Variants in KDM6A observed in about 807,000 individuals in gnomAD.
KDM6A encodes lysine-specific demethylase 6A.
Under a neutral mutation model 117.6 loss-of-function variants are expected in KDM6A, and 11 were observed. The ratio of observed to expected loss-of-function variants is 0.09; its 90% CI spans 0.06 to 0.15. The LOEUF (loss-of-function observed/expected upper bound fraction) is 0.15, where lower values mean the gene tolerates loss of function less well. Ranked by LOEUF, KDM6A falls within the 10% of genes least tolerant of loss-of-function variation. The pLI, the probability that KDM6A is intolerant of heterozygous loss-of-function variation, is 1.00. For missense variants in KDM6A, 799 were observed against 1,077.3 expected, an observed-to-expected ratio of 0.74 and a Z score of 3.62; for synonymous variants, 384 against 396.1, an observed-to-expected ratio of 0.97 and a Z score of 0.36.
chrX:44,984,234 C>T (rs1264564178), intron 4 of KDM6A, among the ~76,000 whole-genome samples: 2 of 110,972 alleles, frequency 1.8e-5, no homozygotes, highest in Admixed American at 1.9e-4. Flanking sequence ...TGTTCATATC[C>T]TTCACCCACT....
chrX:45,039,308 A>C (rs2042948013), intron 8 of KDM6A, among the ~76,000 whole-genome samples: 1 of 109,822 alleles, frequency 9.1e-6, no homozygotes, highest in East Asian at 2.8e-4. Context: ...AAGAAGCAGA[A>C]GTTTTTTTAA....
chrX:44,888,253 C>T (rs921198926), intron 2 of KDM6A, among the ~76,000 whole-genome samples: 18 of 110,403 alleles, frequency 1.6e-4, no homozygotes, highest in Non-Finnish European at 2.7e-4. Context: ...GGCGGTGAGC[C>T]GAGATCCTGC....
At chrX:44,880,923 TAC>T (rs2032226872) in intron 2 of KDM6A, among the ~76,000 whole-genome samples, 1 of 112,347 alleles carries the variant, frequency 8.9e-6, no homozygotes, top group Non-Finnish European at 1.9e-5. Flanking sequence ...GCATTTTAAT[TAC>T]AGTCTGAAGT....
At chrX:45,048,482 C>A (rs1360185508) in intron 8 of KDM6A, among the ~76,000 whole-genome samples, 3 of 111,129 alleles carry the variant, frequency 2.7e-5, no homozygotes, top group Non-Finnish European at 5.6e-5. Context: ...GCAGTCAGAG[C>A]TTTGGGCAGA....
intron 4 of KDM6A, among the ~76,000 whole-genome samples, chrX:44,979,406 C>A (rs766716957): frequency 1.8e-5 from 2 of 108,510 alleles, no homozygotes; most frequent in African/African-American, 6.7e-5. Context: ...TTCTCTTCTT[C>A]CTTTCCTTCC....
At chrX:45,090,045 T>C (rs1483050878) in intron 26 of KDM6A, 115 bp downstream of exon 26, 56 of 541,012 alleles carry the variant, frequency 1.0e-4, no homozygotes, top group Non-Finnish European at 1.3e-4. Context: ...AATGACTCCT[T>C]GCATAGAATT....
intron 2 of KDM6A, among the ~76,000 whole-genome samples, chrX:44,929,468 A>G (rs2036506732): frequency 9.0e-6 from 1 of 111,622 alleles, no homozygotes; most frequent in Non-Finnish European, 1.9e-5. Context: ...AGATTCAGGC[A>G]TGTTGTGTGC....
At chrX:45,109,504 T>C (rs1452615815) in intron 28 of KDM6A, among the ~76,000 whole-genome samples, 1 of 111,923 alleles carries the variant, frequency 8.9e-6, no homozygotes, top group Non-Finnish European at 1.9e-5. Context: ...ATGGTCCATT[T>C]CAAACCTTGA....
chrX:44,974,769 C>T, intron 4 of KDM6A, 54 bp downstream of exon 4: 1 of 859,799 alleles, frequency 1.2e-6, no homozygotes, highest in Non-Finnish European at 1.7e-6. Flanking sequence ...CAGATTATTG[C>T]CAATTATACT....
At chrX:44,898,836 G>A (rs1200024633) in intron 2 of KDM6A, among the ~76,000 whole-genome samples, 1 of 109,202 alleles carries the variant, frequency 9.2e-6, no homozygotes, top group African/African-American at 3.3e-5. Context: ...CAGTCCCACA[G>A]CCTGCTTTTG....
chrX:45,082,455 C>T (rs1398875651), intron 21 of KDM6A, 121 bp from the exon 22 acceptor site: 1 of 516,409 alleles, frequency 1.9e-6, no homozygotes, highest in Non-Finnish European at 3.3e-6. Context: ...AAACATGAAA[C>T]TTAGTTTCAA....
chrX:45,110,319 G>A (rs2148309920), intron 29 of KDM6A, 70 bp downstream of exon 29: 1 of 919,496 alleles, frequency 1.1e-6, no homozygotes, highest in Non-Finnish European at 1.6e-6. Flanking sequence ...TCTGCCACCT[G>A]ATAAGTAGGA....
chrX:45,106,393 T>C (rs762926347), intron 27 of KDM6A: 34 of 187,415 alleles, frequency 1.8e-4, no homozygotes, highest in Non-Finnish European at 3.0e-4. Context: ...TTAGTACTTA[T>C]TTGAATTTTA....
At chrX:45,072,027 T>G (rs2044872778) in intron 18 of KDM6A, among the ~76,000 whole-genome samples, 1 of 111,577 alleles carries the variant, frequency 9.0e-6, no homozygotes, top group South Asian at 3.7e-4. Context: ...CACCTGCCTC[T>G]GCCTCCCAAA....
At chrX:45,024,753 A>G (rs2042301696) in intron 6 of KDM6A, among the ~76,000 whole-genome samples, 1 of 112,127 alleles carries the variant, frequency 8.9e-6, no homozygotes, top group Admixed American at 9.5e-5. Context: ...TATCTTCTAG[A>G]ATTTATATCT....
intron 4 of KDM6A, among the ~76,000 whole-genome samples, chrX:44,997,858 A>G (rs894954772): frequency 2.7e-5 from 3 of 112,090 alleles, no homozygotes; most frequent in Admixed American, 9.5e-5. Flanking sequence ...AAAGATGGCA[A>G]TGGCTTTTTT....
At chrX:44,968,507 AG>A (rs1297831749) in intron 3 of KDM6A, among the ~76,000 whole-genome samples, 2 of 113,189 alleles carry the variant, frequency 1.8e-5, no homozygotes, top group African/African-American at 6.4e-5. Flanking sequence ...TTTGGGTTGG[AG>A]GACACCCTGA....
intron 9 of KDM6A, among the ~76,000 whole-genome samples, chrX:45,052,860 A>G (rs2043917053): frequency 9.0e-6 from 1 of 110,638 alleles, no homozygotes; most frequent in Non-Finnish European, 1.9e-5. Flanking sequence ...TGGCTGATTT[A>G]AAAAATTTCT....
chrX:44,894,585 G>C (rs2033641662), intron 2 of KDM6A, among the ~76,000 whole-genome samples: 1 of 108,340 alleles, frequency 9.2e-6, no homozygotes, highest in Non-Finnish European at 1.9e-5. Flanking sequence ...ATGTCTGTGA[G>C]TCTTAGGTTT....
Sources: allele counts gnomAD v4.1 joint callset (sites outside exome capture counted in the v4.1 genomes callset), GRCh38; gene constraint gnomAD v4.1.1; transcripts MANE v1.5; gene names NCBI Gene and HGNC (gene_info 2026-07-23, HGNC 2026-07-21).